The following MACF1 variants were observed in gnomAD, a reference collection of about 807,000 sequenced individuals.
The protein encoded by MACF1 is microtubule-actin cross-linking factor 1.
A neutral mutation model predicts 854.8 loss-of-function variants in MACF1; 193 were observed. The ratio of observed to expected loss-of-function variants is 0.23; its 90% confidence interval spans 0.20 to 0.25. The LOEUF (loss-of-function observed/expected upper bound fraction) is 0.25. MACF1 is among the 10% of genes least tolerant of loss of function. The probability of loss-of-function intolerance (pLI) is 1.00; values close to 1 mark genes in which losing one functional copy is unlikely to be tolerated. For missense variants in MACF1, 7,722 were observed against 8,929.1 expected, an observed-to-expected ratio of 0.86 and a Z score of 5.45; for synonymous variants, 3,185 against 3,226.7, an observed-to-expected ratio of 0.99 and a Z score of 0.44.
At chr1:39,183,435 C>T (rs1329898178) in intron 2 of MACF1, among the ~76,000 whole-genome samples, 1 of 152,078 alleles carries the variant, frequency 6.6e-6, no homozygotes, top group Admixed American at 6.6e-5. Context: ...TATTGGGCCC[C>T]TTATTGCTGC....
intron 1 of MACF1, among the ~76,000 whole-genome samples, chr1:39,225,646 G>T (rs893332339): frequency 1.3e-5 from 2 of 152,328 alleles, no homozygotes; most frequent in East Asian, 1.9e-4. Context: ...TGGTGGTGGG[G>T]AGTGGGCTCT....
rs759187338 is a variant in MACF1, at chr1:39,300,277, T to C, written c.2549T>C (p.Ile850Thr). Residue 850 changes from isoleucine to threonine, a missense_variant, in exon 22 of 101, where the codon ATC (isoleucine) becomes ACC (threonine). Physicochemically the swap from Ile to Thr is moderately conservative, Grantham distance 89. Around this residue, in one of 15 missense-constraint regions of MACF1, gnomAD observed 1,137 missense variants for 1,263.0 expected, o/e 0.90. Transcript: ENST00000564288. Reference protein sequence around the residue: ...VASLVGRSKTIVQLKPRSPDH... With the variant: ...VASLVGRSKTTVQLKPRSPDH... ...AGTCTCGTTGGGAGATCAAAAACCATCGTTCAGCTAAAACCACGCAGTCCA... is the reference window on the plus strand; with the variant it reads ...AGTCTCGTTGGGAGATCAAAAACCACCGTTCAGCTAAAACCACGCAGTCCA... The C allele has an allele frequency of 6.2e-7, 1 of 1,614,006 alleles. No homozygotes were observed. Among genetic ancestry groups the C allele is most frequent in the East Asian group, 2.2e-5 (1 of 44,876 alleles).
At chr1:39,354,507 C>T (rs1647356610) in intron 44 of MACF1, among the ~76,000 whole-genome samples, 2 of 152,104 alleles carry the variant, frequency 1.3e-5, no homozygotes, top group South Asian at 4.1e-4. Context: ...TGGAGTCAAG[C>T]AATTCTCATG....
At chr1:39,477,030 A>G (rs1349300308) in intron 97 of MACF1, among the ~76,000 whole-genome samples, 2 of 144,566 alleles carry the variant, frequency 1.4e-5, no homozygotes, top group Non-Finnish European at 1.5e-5. Flanking sequence ...ATACACACAC[A>G]TATATACACT....
intron 2 of MACF1, among the ~76,000 whole-genome samples, chr1:39,184,728 A>G (rs1056898195): frequency 6.6e-6 from 1 of 152,146 alleles, no homozygotes; most frequent in Admixed American, 6.5e-5. Context: ...GCTCCTGGTC[A>G]TCATCATGCA....
intron 97 of MACF1, among the ~76,000 whole-genome samples, chr1:39,477,141 C>CACATATAT (rs1644921888): frequency 9.1e-5 from 13 of 143,562 alleles, no homozygotes; most frequent in East Asian, 4.0e-4. Flanking sequence ...TATATACACA[C>CACATATAT]ACACACACAC....
intron 58 of MACF1, chr1:39,412,303 G>C: frequency 6.2e-7 from 1 of 1,614,008 alleles, no homozygotes; most frequent in Non-Finnish European, 8.5e-7. Context: ...TTTACTAACA[G>C]ATGAAATTCA....
chr1:39,131,202 C>T (rs1008759877), intron 2 of MACF1, among the ~76,000 whole-genome samples: 13 of 100,044 alleles, frequency 1.3e-4, no homozygotes, highest in Admixed American at 9.4e-4. Flanking sequence ...CTTGTTCTTT[C>T]ACCCAGGCTG....
intron 45 of MACF1, 79 bp from the exon 46 acceptor site, chr1:39,358,618 C>G (rs978760334): frequency 1.5e-6 from 2 of 1,364,128 alleles, no homozygotes; most frequent in Non-Finnish European, 2.1e-6. Context: ...TGTAACAAAG[C>G]CAGGCCTCTT....
intron 2 of MACF1, among the ~76,000 whole-genome samples, chr1:39,234,392 G>C (rs1227724108): frequency 6.6e-6 from 1 of 150,814 alleles, no homozygotes; most frequent in South Asian, 2.1e-4. Flanking sequence ...CTCACCTTCC[G>C]GGCGGGGCGG....
chr1:39,089,765 A>AT (rs1469213517), intron 2 of MACF1, among the ~76,000 whole-genome samples: 7 of 152,224 alleles, frequency 4.6e-5, no homozygotes, highest in African/African-American at 1.7e-4. Flanking sequence ...CACTGCGGAG[A>AT]TAACTGAATC....
rs1243988885 is a variant in MACF1, at chr1:39,409,820, C to T, written c.15817-12554C>T. 6.4e-6 allele frequency: 1 copy of T among 155,752 alleles called. No homozygotes were observed. The highest frequency in any genetic ancestry group is 1.4e-5 in the Non-Finnish European group (1 of 70,658). The allele number at this position is 155,752 out of a possible 1,614,324, so 9.6% of individuals were successfully genotyped here. On this transcript the variant is annotated intron_variant, in intron 58 of 100. Transcript: ENST00000564288. The surrounding 1 kb of genome is among the most constrained non-coding windows in gnomAD (Gnocchi z 4.2). ...GAAAGGAATTCTTAGGAGCTTGGGC[C>T]ATACTTGAAGACTAGAGAGGCTGTG...
chr1:39,304,292 T>G (rs1164003903), intron 23 of MACF1: 1 of 617,702 alleles, frequency 1.6e-6, no homozygotes, highest in Non-Finnish European at 3.1e-6. Flanking sequence ...TAGTGACTTA[T>G]TTCACTCTAC....
chr1:39,249,477 T>C (rs962103274), intron 2 of MACF1, among the ~76,000 whole-genome samples: 1 of 152,238 alleles, frequency 6.6e-6, no homozygotes, highest in Non-Finnish European at 1.5e-5. Context: ...TGTTTTTCCA[T>C]AGTTCCAATT....
intron 2 of MACF1, among the ~76,000 whole-genome samples, chr1:39,106,910 C>T (rs1402416675): frequency 6.6e-6 from 1 of 151,358 alleles, no homozygotes; most frequent in Non-Finnish European, 1.5e-5. Flanking sequence ...TTGCTTGTTC[C>T]CTCTGCATCA....
intron 52 of MACF1, among the ~76,000 whole-genome samples, chr1:39,373,792 G>A (rs571585264): frequency 5.3e-5 from 8 of 151,246 alleles, no homozygotes; most frequent in Admixed American, 2.0e-4. Context: ...GGCAGAGGTT[G>A]CAGTGAGCCA....
intron 31 of MACF1, among the ~76,000 whole-genome samples, chr1:39,321,936 T>C (rs1048007081): frequency 1.3e-5 from 2 of 152,152 alleles, no homozygotes; most frequent in African/African-American, 4.8e-5. Flanking sequence ...AAATTGAGAT[T>C]AGACTAGAAG....
Position 39,435,684 on chromosome 1 carries a change from A to T in MACF1, c.17911A>T (p.Asn5971Tyr). 1 of 1,614,176 alleles carries T rather than the reference A, an allele frequency of 6.2e-7. No individual in the cohort carries two copies. The highest frequency in any genetic ancestry group is 2.2e-5 in the East Asian group (1 of 44,882). ...MVEEKYQKAE[N>Y]MYAQIKEEVR... ...GGAAGAAAAATACCAGAAAGCAGAA[A>T]ACATGTATGCCCAAATAAAGGAGGA... Residue 5971 changes from asparagine to tyrosine, a missense_variant, in exon 70 of 101, where the codon AAC becomes TAC. Physicochemically the swap from Asn to Tyr is moderately radical, Grantham distance 143. Around this residue, in one of 15 missense-constraint regions of MACF1, gnomAD observed 2,807 missense variants for 3,235.8 expected, o/e 0.87. Transcript: ENST00000564288.
Position 39,466,807 on chromosome 1 carries a change from C to T in MACF1, c.21771+1695C>T, listed in dbSNP as rs192232421. Among the ~76,000 whole-genome samples the T allele has an allele frequency of 3.3e-3, 505 of 152,296 alleles. 3 individuals are homozygous for T. Among genetic ancestry groups the T allele is most frequent in the Admixed American group, 5.2e-3 (79 of 15,306 alleles). ...CCACACAGTGCTTTTGCTGCAGTCA[C>T]TTTGTATAAACATGTTTAAATTGTA... On this transcript the variant is annotated intron_variant, in intron 95 of 100. Transcript: ENST00000564288.
Sources: allele counts gnomAD v4.1 joint callset (sites outside exome capture counted in the v4.1 genomes callset), GRCh38; gene constraint gnomAD v4.1.1; regional missense constraint gnomAD v4.1.1; non-coding constraint Gnocchi (gnomAD v3.1); transcripts MANE v1.5; gene names NCBI Gene and HGNC (gene_info 2026-07-23, HGNC 2026-07-21).